Variants in MAP3K9 observed in about 807,000 individuals in gnomAD.
MAP3K9 encodes mixed lineage kinase 1 (tyr and ser/thr specificity).
Under a neutral mutation model 95.8 loss-of-function variants are expected in MAP3K9, and 46 were observed. The observed-to-expected ratio is 0.48, with a 90% CI of 0.38 to 0.61. The LOEUF (loss-of-function observed/expected upper bound fraction) is 0.61, where lower values mean the gene tolerates loss of function less well. MAP3K9 is among the 20% of genes least tolerant of loss of function. The probability of loss-of-function intolerance (pLI) is 0.00; values close to 1 mark genes in which losing one functional copy is unlikely to be tolerated. For missense variants in MAP3K9, 1,296 were observed against 1,474.3 expected (o/e 0.88, Z 1.98); for synonymous variants, 533 against 593.8 (o/e 0.90, Z 1.49).
chr14:70,751,916 T>A (rs577749511), intron 3 of MAP3K9, among the ~76,000 whole-genome samples: 5 of 152,174 alleles, frequency 3.3e-5, no homozygotes, highest in Non-Finnish European at 7.4e-5. Flanking sequence ...ACAGAGTACA[T>A]CATGGTGGGC....
At position 70,778,276 on chromosome 14, in the gene MAP3K9, ATT is replaced by A. The variant is rs71105734; in HGVS notation, c.821-17096_821-17095del. 8.9e-3 allele frequency among the ~76,000 whole-genome samples: 1,088 copies of A among 122,802 alleles called. 7 individuals are homozygous for A. Among genetic ancestry groups the A allele is most frequent in the African/African-American group, 0.024 (750 of 31,792 alleles). The allele number at this position is 122,802 out of a possible 152,430, so 80.6% of individuals were successfully genotyped here. On this transcript the variant is annotated intron_variant, in intron 2 of 11. Transcript: ENST00000554752. ...CAGGCACACATCACCACGCCCAGCT[ATT>A]TTTTTTTTTTTTTTTTGAGACGGAG...
intron 2 of MAP3K9, among the ~76,000 whole-genome samples, chr14:70,787,855 G>A (rs1391410779): frequency 1.3e-5 from 2 of 152,066 alleles, no homozygotes; most frequent in Non-Finnish European, 2.9e-5. Context: ...TGGCCACATT[G>A]GAATTGCCAC....
intron 2 of MAP3K9, among the ~76,000 whole-genome samples, chr14:70,796,233 A>G (rs938707083): frequency 1.3e-5 from 2 of 152,194 alleles, no homozygotes; most frequent in East Asian, 3.8e-4. Flanking sequence ...GTTTTCCCCA[A>G]TTTGATGGAG....
intron 2 of MAP3K9, among the ~76,000 whole-genome samples, chr14:70,774,970 G>A (rs1430533670): frequency 4.3e-5 from 4 of 92,056 alleles, no homozygotes; most frequent in African/African-American, 4.4e-5. Flanking sequence ...GAGACAGAGT[G>A]AGACTCTGTC....
At chr14:70,758,218 C>T (rs2054322834) in intron 3 of MAP3K9, among the ~76,000 whole-genome samples, 1 of 152,026 alleles carries the variant, frequency 6.6e-6, no homozygotes, top group African/African-American at 2.4e-5. Context: ...TTTAAATTGG[C>T]AAAGGATTTG....
At chr14:70,746,522 G>T (rs906073126) in intron 5 of MAP3K9, among the ~76,000 whole-genome samples, 2 of 152,182 alleles carry the variant, frequency 1.3e-5, no homozygotes, top group African/African-American at 4.8e-5. Context: ...TAACAGGGAG[G>T]CATCATAGCA....
intron 2 of MAP3K9, among the ~76,000 whole-genome samples, chr14:70,791,959 G>A (rs1183431354): frequency 3.3e-5 from 5 of 152,216 alleles, no homozygotes; most frequent in African/African-American, 1.2e-4. Flanking sequence ...AGGACAAAAG[G>A]GAAAGGCAAG....
intron 2 of MAP3K9, among the ~76,000 whole-genome samples, chr14:70,800,397 G>A (rs776993318): frequency 6.6e-5 from 10 of 151,938 alleles, no homozygotes; most frequent in Non-Finnish European, 1.5e-4. Flanking sequence ...ATTCTGATAT[G>A]TGGAAAAATA....
intron 2 of MAP3K9, among the ~76,000 whole-genome samples, chr14:70,775,145 T>C (rs1283301622): frequency 1.3e-5 from 2 of 152,116 alleles, no homozygotes; most frequent in Non-Finnish European, 2.9e-5. Flanking sequence ...AAACATGTGT[T>C]TTTGTTACTT....
chr14:70,794,571 G>C (rs1481280491), intron 2 of MAP3K9, among the ~76,000 whole-genome samples: 2 of 152,078 alleles, frequency 1.3e-5, no homozygotes, highest in Non-Finnish European at 2.9e-5. Flanking sequence ...CAATATTTTT[G>C]TTAGGCTATT....
At chr14:70,764,143 G>A (rs1310056454) in intron 2 of MAP3K9, among the ~76,000 whole-genome samples, 3 of 123,462 alleles carry the variant, frequency 2.4e-5, no homozygotes, top group South Asian at 2.9e-4. Flanking sequence ...CCGAGATTGC[G>A]CCACTGCAGT....
chr14:70,798,547 C>T (rs1378442481), intron 2 of MAP3K9, among the ~76,000 whole-genome samples: 3 of 129,312 alleles, frequency 2.3e-5, no homozygotes, highest in Non-Finnish European at 4.7e-5. Flanking sequence ...GGCGGGATCT[C>T]GGCTCACTGC....
intron 6 of MAP3K9, among the ~76,000 whole-genome samples, chr14:70,740,967 C>G (rs900061737): frequency 6.6e-6 from 1 of 152,230 alleles, no homozygotes; most frequent in African/African-American, 2.4e-5. Context: ...CCAGCAAACA[C>G]GGCTCATAAA....
chr14:70,796,034 C>T (rs1443937779), intron 2 of MAP3K9, among the ~76,000 whole-genome samples: 2 of 152,172 alleles, frequency 1.3e-5, no homozygotes, highest in Non-Finnish European at 2.9e-5. Flanking sequence ...GGATTACAGG[C>T]GTGAGCCACC....
chr14:70,787,827 A>G (rs1304257305), intron 2 of MAP3K9, among the ~76,000 whole-genome samples: 2 of 152,330 alleles, frequency 1.3e-5, no homozygotes, highest in East Asian at 3.9e-4. Flanking sequence ...ACACACAAAC[A>G]AAACAAGATT....
intron 2 of MAP3K9, among the ~76,000 whole-genome samples, chr14:70,798,083 G>A (rs1015904244): frequency 2.6e-5 from 4 of 152,204 alleles, no homozygotes; most frequent in Admixed American, 6.5e-5. Context: ...AAGGACCAGA[G>A]TTTTGTCTCC....
intron 2 of MAP3K9, among the ~76,000 whole-genome samples, chr14:70,799,630 C>G (rs1238545544): frequency 6.6e-6 from 1 of 152,208 alleles, no homozygotes; most frequent in Non-Finnish European, 1.5e-5. Context: ...TGAGCCACCG[C>G]GCCTGGCCTT....
intron 5 of MAP3K9, among the ~76,000 whole-genome samples, chr14:70,742,911 T>TATA (rs2054094808): frequency 1.6e-4 from 23 of 143,100 alleles, no homozygotes; most frequent in African/African-American, 5.2e-4. Flanking sequence ...TTATATATAT[T>TATA]TATATATATA....
At chr14:70,772,724 A>T (rs1295975131) in intron 2 of MAP3K9, among the ~76,000 whole-genome samples, 1 of 152,228 alleles carries the variant, frequency 6.6e-6, no homozygotes, top group Non-Finnish European at 1.5e-5. Context: ...TTAAGAAGAA[A>T]ATAATAACCA....
Sources: allele counts gnomAD v4.1 joint callset (sites outside exome capture counted in the v4.1 genomes callset), GRCh38; gene constraint gnomAD v4.1.1; transcripts MANE v1.5; gene names NCBI Gene and HGNC (gene_info 2026-07-23, HGNC 2026-07-21).